Variants in ASAP1 observed in about 807,000 individuals in gnomAD.
ASAP1 encodes the protein ArfGAP with SH3 domain, ankyrin repeat and PH domain 1.
In ASAP1, 43 loss-of-function variants were observed where a neutral mutation model predicts 145.2. The observed-to-expected ratio is 0.30, with a 90% CI of 0.23 to 0.38. The LOEUF (loss-of-function observed/expected upper bound fraction) is 0.38. Ranked by LOEUF, ASAP1 falls within the 10% of genes least tolerant of loss-of-function variation. The probability of loss-of-function intolerance (pLI) is 1.00; values close to 1 mark genes in which losing one functional copy is unlikely to be tolerated. For synonymous variants in ASAP1, 546 were observed against 515.5 expected (o/e 1.06, Z -0.80); for missense variants, 1,018 against 1,355.3 (o/e 0.75, Z 3.91).
intron 24 of ASAP1, among the ~76,000 whole-genome samples, chr8:130,110,789 T>G (rs1294450550): frequency 2.0e-5 from 3 of 152,120 alleles, no homozygotes; most frequent in Non-Finnish European, 4.4e-5. Flanking sequence ...GAGAATAAGC[T>G]CTGAAAAAAC....
chr8:130,132,677 C>G (rs1042167817), intron 15 of ASAP1, among the ~76,000 whole-genome samples: 2 of 152,236 alleles, frequency 1.3e-5, no homozygotes, highest in African/African-American at 4.8e-5. Flanking sequence ...GCAGTTCCTT[C>G]AGGGCAGGGG....
At chr8:130,246,436 G>A (rs976344318) in intron 3 of ASAP1, among the ~76,000 whole-genome samples, 5 of 152,126 alleles carry the variant, frequency 3.3e-5, no homozygotes, top group Non-Finnish European at 7.4e-5. Context: ...GGGGCCTGGT[G>A]GGAGGTGACT....
intron 3 of ASAP1, among the ~76,000 whole-genome samples, chr8:130,304,516 C>CA (rs1241370204): frequency 2.0e-5 from 3 of 152,224 alleles, no homozygotes; most frequent in African/African-American, 7.2e-5. Flanking sequence ...AACCTTCACG[C>CA]ATCTGCACTC....
intron 2 of ASAP1, among the ~76,000 whole-genome samples, chr8:130,359,004 G>A (rs534401539): frequency 6.6e-6 from 1 of 152,052 alleles, no homozygotes; most frequent in Non-Finnish European, 1.5e-5. Context: ...GAGGGCCGCC[G>A]ACCCCGCGAA....
intron 26 of ASAP1, among the ~76,000 whole-genome samples, chr8:130,078,534 C>T (rs2097470056): frequency 6.6e-6 from 1 of 152,104 alleles, no homozygotes; most frequent in Admixed American, 6.5e-5. Flanking sequence ...AATCCTCACA[C>T]CTTGGCCTCC....
At chr8:130,416,270 T>C (rs1423385290) in intron 1 of ASAP1, among the ~76,000 whole-genome samples, 1 of 152,076 alleles carries the variant, frequency 6.6e-6, no homozygotes, top group African/African-American at 2.4e-5. Context: ...AAAAGAGCAT[T>C]GTAAGCAAAG....
chr8:130,207,203 C>T (rs769780867), intron 5 of ASAP1, among the ~76,000 whole-genome samples: 2 of 151,768 alleles, frequency 1.3e-5, no homozygotes, highest in African/African-American at 4.8e-5. Context: ...GGCATGGAAG[C>T]GTGAAATGGT....
At chr8:130,090,009 G>A (rs1046128615) in intron 25 of ASAP1, among the ~76,000 whole-genome samples, 6 of 152,120 alleles carry the variant, frequency 3.9e-5, no homozygotes, top group Admixed American at 6.5e-5. Context: ...ACAGAACAGC[G>A]TCCTCATCTG....
intron 5 of ASAP1, among the ~76,000 whole-genome samples, chr8:130,203,071 G>T (rs1338971407): frequency 6.6e-6 from 1 of 151,910 alleles, no homozygotes; most frequent in African/African-American, 2.4e-5. Context: ...TTGTTGGAGG[G>T]CAGAAGTGAA....
Position 130,121,033 on chromosome 8 carries a change from T to C in ASAP1, c.1608-2358A>G, listed in dbSNP as rs555728358. 8.5e-5 allele frequency among the ~76,000 whole-genome samples: 13 copies of C among 152,340 alleles called. No individual in the cohort carries two copies. The East Asian group carries it at 2.3e-3, about 27-fold the overall frequency. ...TATCTATTTACCTAGATGTAAAACC[T>C]TGGGTGTCATCTTGACTGAGTCTTA... On this transcript the variant is annotated intron_variant, in intron 18 of 29. Transcript: ENST00000518721.
At chr8:130,391,661 A>G (rs1470446408) in intron 2 of ASAP1, among the ~76,000 whole-genome samples, 2 of 152,228 alleles carry the variant, frequency 1.3e-5, no homozygotes, top group African/African-American at 4.8e-5. Flanking sequence ...CACAGGGCTG[A>G]CCAATGCATG....
chr8:130,267,759 G>A (rs1422890426), intron 3 of ASAP1, among the ~76,000 whole-genome samples: 1 of 152,180 alleles, frequency 6.6e-6, no homozygotes, highest in Non-Finnish European at 1.5e-5. Context: ...AGGGAACTTA[G>A]TTGTGACTGA....
chr8:130,252,899 T>G (rs1014035412), intron 3 of ASAP1, among the ~76,000 whole-genome samples: 2 of 151,968 alleles, frequency 1.3e-5, no homozygotes, highest in African/African-American at 4.8e-5. Context: ...CTGAGTCACA[T>G]CTTTTCAGGA....
chr8:130,321,820 G>A (rs1461700269), intron 3 of ASAP1, among the ~76,000 whole-genome samples: 2 of 152,080 alleles, frequency 1.3e-5, no homozygotes, highest in African/African-American at 4.8e-5. Flanking sequence ...AAACCCAGAG[G>A]ACTACTTCCC....
At chr8:130,187,185 T>TC in intron 7 of ASAP1, 51 bp downstream of exon 7, 1 of 1,499,918 alleles carries the variant, frequency 6.7e-7, no homozygotes, top group Non-Finnish European at 9.1e-7. Flanking sequence ...TGTCCAAAAT[T>TC]CACAACAATA....
chr8:130,172,648 G>A (rs1308840475), intron 9 of ASAP1, among the ~76,000 whole-genome samples: 1 of 152,206 alleles, frequency 6.6e-6, no homozygotes, highest in East Asian at 1.9e-4. Flanking sequence ...TGGGTACCAT[G>A]TAGATGGTAA....
rs892851682 is a variant in ASAP1, at chr8:130,420,414, C to T, written c.-27-18444G>A. On this transcript the variant is annotated intron_variant, in intron 1 of 29. Transcript: ENST00000518721. Reference sequence around the variant, plus strand: ...ATCAGATGACCCAGCACCTCCACTCCTGGCCATATACCTAGAAGAAGTGAA... The same window carrying T: ...ATCAGATGACCCAGCACCTCCACTCTTGGCCATATACCTAGAAGAAGTGAA... Among the ~76,000 whole-genome samples the T allele has an allele frequency of 5.3e-5, 8 of 152,146 alleles. No homozygotes were observed. In the South Asian group the frequency reaches 6.2e-4, roughly 12 times the overall value.
At chr8:130,280,473 C>G (rs995052999) in intron 3 of ASAP1, among the ~76,000 whole-genome samples, 1 of 152,270 alleles carries the variant, frequency 6.6e-6, no homozygotes. Context: ...CCTTGACACA[C>G]AGTCTGCCAC....
intron 25 of ASAP1, among the ~76,000 whole-genome samples, chr8:130,087,388 C>T (rs1012651469): frequency 6.6e-6 from 1 of 152,118 alleles, no homozygotes; most frequent in South Asian, 2.1e-4. Context: ...GACATTGTGG[C>T]GGGTGCCTGC....
Sources: gnomAD v4.1 joint callset for allele counts (sites outside exome capture counted in the v4.1 genomes callset) on GRCh38, gnomAD v4.1.1 for gene constraint, MANE v1.5 for transcripts, NCBI Gene and HGNC (gene_info 2026-07-23, HGNC 2026-07-21) for gene names.